COLEC11: variants seen among roughly 807,000 people sequenced by gnomAD.
The protein encoded by COLEC11 is collectin-11.
In COLEC11, 20 loss-of-function variants were observed where a neutral mutation model predicts 27.3. That is an observed-to-expected ratio of 0.73 (90% CI 0.51 to 1.06). The LOEUF (loss-of-function observed/expected upper bound fraction) is 1.06. Among genes scored for constraint, COLEC11 ranks in the 50% least tolerant of loss-of-function variants. The pLI is 0.00. For missense variants in COLEC11, 310 were observed against 383.0 expected (o/e 0.81, Z 1.59); for synonymous variants, 163 against 154.7 (o/e 1.05, Z -0.40).
chr2:3,617,778 G>T, intron 3 of COLEC11: 1 of 946,520 alleles, frequency 1.1e-6, no homozygotes, highest in Non-Finnish European at 1.7e-6. Context: ...ATTTTTTCAA[G>T]GAGCCTCTGT....
chr2:3,613,120 C>T (rs944696737), intron 2 of COLEC11, among the ~76,000 whole-genome samples, 191 bp from the exon 3 acceptor site: 99 of 145,374 alleles, frequency 6.8e-4, no homozygotes, highest in African/African-American at 2.8e-3. Context: ...AGACAAATAG[C>T]CCTAAAAGCA....
At chr2:3,629,578 G>A (rs989824612) in intron 3 of COLEC11, among the ~76,000 whole-genome samples, 1 of 152,228 alleles carries the variant, frequency 6.6e-6, no homozygotes, top group African/African-American at 2.4e-5. Flanking sequence ...ATGCATGTGT[G>A]CATATGTATA....
At chr2:3,603,773 C>A in intron 1 of COLEC11, 1 of 1,047,494 alleles carries the variant, frequency 9.5e-7, no homozygotes, top group African/African-American at 1.6e-5. Context: ...CGGGGCTCCT[C>A]TCTCCTTACT....
chr2:3,603,310 T>C (rs1013886774), intron 1 of COLEC11: 16 of 183,676 alleles, frequency 8.7e-5, no homozygotes, highest in Non-Finnish European at 1.5e-4. Flanking sequence ...CCGAGTTTTA[T>C]TTATTTATTA....
intron 1 of COLEC11, among the ~76,000 whole-genome samples, chr2:3,600,381 C>A (rs537390639): frequency 6.6e-6 from 1 of 152,066 alleles, no homozygotes; most frequent in Non-Finnish European, 1.5e-5. Flanking sequence ...ATGGTGAGAA[C>A]CTGTCTCTAC....
rs796465540 is a variant in COLEC11, at chr2:3,635,201, G to T, written c.203-2332G>T. On this transcript the variant is annotated intron_variant, in intron 3 of 6. Transcript: ENST00000349077. ...GCTGTGTCTCCCTGCGCCTACCTTG[G>T]GGAGGCTTGGCACTCAGTGCCAGCT... Among the ~76,000 whole-genome samples the T allele has an allele frequency of 1.3e-3, 197 of 147,896 alleles. 1 individual carries two copies. Among genetic ancestry groups the T allele is most frequent in the African/African-American group, 4.5e-3 (180 of 40,118 alleles).
intron 1 of COLEC11, among the ~76,000 whole-genome samples, chr2:3,601,449 G>A (rs944022945): frequency 2.0e-5 from 3 of 152,102 alleles, no homozygotes; most frequent in African/African-American, 4.8e-5. Flanking sequence ...CTACAGGTGC[G>A]TGACACTACA....
At chr2:3,634,799 G>A (rs1451333285) in intron 3 of COLEC11, among the ~76,000 whole-genome samples, 1 of 152,000 alleles carries the variant, frequency 6.6e-6, no homozygotes, top group African/African-American at 2.4e-5. Flanking sequence ...AACGCACTGA[G>A]CACTCTGGCA....
chr2:3,644,109 G>A lies in COLEC11; in HGVS notation c.807G>A (p.Glu269=). The A allele has an allele frequency of 6.2e-7, 1 of 1,611,068 alleles. No individual in the cohort carries two copies. The highest frequency in any genetic ancestry group is 1.1e-5 in the South Asian group (1 of 91,084). ...ACTTCATGTGTGAGTTTGACAAGGA[G>A]AACATGTGAGCCTCAGGCTGGGGCT... ...TMYFMCEFDK[E]NM is the part of the protein sequence containing the mutation. Residue 269 remains glutamate, a synonymous_variant, in exon 7 of 7, where the codon GAG becomes GAA. Transcript: ENST00000349077.
In COLEC11 at chr2:3,622,361, T is replaced by C. The variant is rs559404389; in HGVS notation, c.202+8979T>C. Among the ~76,000 whole-genome samples the C allele has an allele frequency of 5.3e-5, 8 of 152,196 alleles. No individual in the cohort carries two copies. The South Asian group carries it at 1.7e-3, about 32-fold the overall frequency. On this transcript the variant is annotated intron_variant, in intron 3 of 6. Coordinates refer to ENST00000349077, the MANE Select transcript of COLEC11 (RefSeq NM_024027.5). ...AACAAACAACAACAACAAATTATTGTGGCTATAGTTATTTTAATATCTTTG... is the reference window on the plus strand; with the variant it reads ...AACAAACAACAACAACAAATTATTGCGGCTATAGTTATTTTAATATCTTTG...
chr2:3,644,095 G>C lies in COLEC11; in HGVS notation c.793G>C (p.Glu265Gln). ...CCACACCACCATGTACTTCATGTGT[G>C]AGTTTGACAAGGAGAACATGTGAGC... ...ACHTTMYFMC[E>Q]FDKENM The change falls in exon 7 of 7, where the codon GAG becomes CAG. Residue 265 changes from glutamate (E) to glutamine (Q), a missense_variant. Transcript: ENST00000349077. 1 of 1,612,838 alleles carries C rather than the reference G, an allele frequency of 6.2e-7. No homozygotes were observed. The highest frequency in any genetic ancestry group is 8.5e-7 in the Non-Finnish European group (1 of 1,180,034).
At chr2:3,604,091 G>A in intron 1 of COLEC11, 3 of 605,508 alleles carry the variant, frequency 5.0e-6, no homozygotes, top group Non-Finnish European at 8.8e-6. Flanking sequence ...GACCAGGGCT[G>A]GCATGCACTT....
chr2:3,634,874 C>T (rs992975111), intron 3 of COLEC11, among the ~76,000 whole-genome samples: 1 of 151,352 alleles, frequency 6.6e-6, no homozygotes, highest in Non-Finnish European at 1.5e-5. Context: ...TCCACCTGGT[C>T]CCGGCCCTGC....
At position 3,602,971 on chromosome 2, in the gene COLEC11, A is replaced by G. The variant is rs1662345089; in HGVS notation, c.-26-1344A>G. On this transcript the variant is annotated intron_variant, in intron 1 of 6. Coordinates refer to ENST00000349077, the MANE Select transcript of COLEC11 (RefSeq NM_024027.5). This position sits in a 1 kb window ranked among gnomAD's most constrained non-coding sequence, Gnocchi z 6.2. ...TCTCTTCCAATAGGAATAAAAACAT[A>G]AATGTTCTTGCTCTACTCCTGGTGC... Among the ~76,000 whole-genome samples the G allele has an allele frequency of 6.6e-6, 1 of 152,218 alleles. No homozygotes were observed.
At chr2:3,605,430 GAGGGGAGT>G (rs1228829865) in intron 2 of COLEC11, among the ~76,000 whole-genome samples, 2 of 80,580 alleles carry the variant, frequency 2.5e-5, no homozygotes, top group Non-Finnish European at 4.9e-5. Flanking sequence ...CCGAGGAGGG[GAGGGGAGT>G]CACGTGGGTG....
chr2:3,642,239 C>T (rs1665921749), intron 5 of COLEC11, among the ~76,000 whole-genome samples: 1 of 152,174 alleles, frequency 6.6e-6, no homozygotes, highest in African/African-American at 2.4e-5. Flanking sequence ...TCTGCCTGGG[C>T]CCAGATCTCA....
rs73914510 is a variant in COLEC11, at chr2:3,607,266, A to T, written c.130+2796A>T. 4.4e-3 allele frequency among the ~76,000 whole-genome samples: 666 copies of T among 152,226 alleles called. 3 individuals are homozygous for T. The highest frequency in any genetic ancestry group is 0.016 in the African/African-American group (647 of 41,524). ...ATTATCTTTACATTTAGAGGGAATA[A>T]TATATTGTCTTTACATTTAGAGAGA... On this transcript the variant is annotated intron_variant, in intron 2 of 6. Transcript: ENST00000349077.
chr2:3,609,188 G>A (rs181761126), intron 2 of COLEC11, among the ~76,000 whole-genome samples: 2 of 152,184 alleles, frequency 1.3e-5, no homozygotes, highest in Non-Finnish European at 2.9e-5. Context: ...TAAAGAAAAC[G>A]TGTGTTAAAT....
At chr2:3,631,723 ACTCGGAGGGGACTCTG>A (rs1233944764) in intron 3 of COLEC11, among the ~76,000 whole-genome samples, 6 of 149,376 alleles carry the variant, frequency 4.0e-5, no homozygotes, top group East Asian at 2.0e-4. Context: ...GGGGGCCCCT[ACTCGGAGGGGACTCTG>A]CTCGGAGGGG....
Sources: allele counts gnomAD v4.1 joint callset (sites outside exome capture counted in the v4.1 genomes callset), GRCh38; gene constraint gnomAD v4.1.1; non-coding constraint Gnocchi (gnomAD v3.1); transcripts MANE v1.5; gene names NCBI Gene and HGNC (gene_info 2026-07-23, HGNC 2026-07-21).